TMPRSS11A: variants seen among roughly 807,000 people sequenced by gnomAD.
TMPRSS11A encodes transmembrane serine protease 11A.
TMPRSS11A carries 53 observed loss-of-function variants against 58.9 expected under a neutral mutation model. The observed-to-expected ratio is 0.90, with a 90% CI of 0.72 to 1.13. The LOEUF (loss-of-function observed/expected upper bound fraction) is 1.13. Ranked by LOEUF, TMPRSS11A falls within the 50% of genes most tolerant of loss-of-function variation. TMPRSS11A has a pLI of 0.00. For synonymous variants in TMPRSS11A, 167 were observed against 169.8 expected (o/e 0.98, Z 0.13); for missense variants, 493 against 499.3 (o/e 0.99, Z 0.12).
rs79841300 is a variant in TMPRSS11A, at chr4:67,941,902, G to A, written c.252+2617C>T. On this transcript the variant is annotated intron_variant, in intron 3 of 9. Coordinates refer to ENST00000508048, the MANE Select transcript of TMPRSS11A (RefSeq NM_001114387.2). ...AATGATTACTTCAGTTACAGATTTC[G>A]GTTTCATAAAGAACAACACGGTCCA... Among the ~76,000 whole-genome samples the A allele has an allele frequency of 7.7e-3, 1,175 of 152,118 alleles. 10 individuals carry two copies. Among genetic ancestry groups the A allele is most frequent in the Non-Finnish European group, 0.014 (948 of 67,994 alleles).
At chr4:67,919,481 A>G (rs1427644928) in intron 7 of TMPRSS11A, among the ~76,000 whole-genome samples, 1 of 152,224 alleles carries the variant, frequency 6.6e-6, no homozygotes, top group Admixed American at 6.5e-5. Flanking sequence ...CACATAAAAT[A>G]TCATTCATTT....
intron 2 of TMPRSS11A, among the ~76,000 whole-genome samples, chr4:67,945,955 G>A (rs768329491): frequency 2.9e-4 from 44 of 151,984 alleles, no homozygotes; most frequent in South Asian, 2.1e-4. Flanking sequence ...TGTGTCATAC[G>A]TATAGGTTTT....
chr4:67,962,373 A>G (rs1394688369), intron 1 of TMPRSS11A, among the ~76,000 whole-genome samples: 5 of 152,082 alleles, frequency 3.3e-5, no homozygotes, highest in African/African-American at 1.2e-4. Flanking sequence ...TCTGAAATTC[A>G]CTGGATGGAA....
chr4:67,924,061 C>T (rs1720400534), intron 6 of TMPRSS11A, 67 bp downstream of exon 6: 3 of 1,329,624 alleles, frequency 2.3e-6, no homozygotes, highest in Non-Finnish European at 3.3e-6. Context: ...CAAGTATGAG[C>T]AAATATTTGA....
At chr4:67,929,783 A>G in intron 5 of TMPRSS11A, 97 bp downstream of exon 5, 1 of 1,128,660 alleles carries the variant, frequency 8.9e-7, no homozygotes, top group Admixed American at 2.3e-5. Context: ...AATTCTAGCT[A>G]TTATTTGAAA....
chr4:67,942,133 A>G (rs1720895375), intron 3 of TMPRSS11A, among the ~76,000 whole-genome samples: 1 of 152,256 alleles, frequency 6.6e-6, no homozygotes, highest in Admixed American at 6.5e-5. Flanking sequence ...GCACAAACTC[A>G]TTAGTAATTA....
chr4:67,949,820 C>T (rs749913975), intron 1 of TMPRSS11A, among the ~76,000 whole-genome samples: 9 of 152,158 alleles, frequency 5.9e-5, no homozygotes, highest in Non-Finnish European at 1.3e-4. Context: ...AATGGCGCCA[C>T]TGCACTCCAG....
At chr4:67,917,998 G>T (rs1483757703) in intron 8 of TMPRSS11A, among the ~76,000 whole-genome samples, 1 of 152,132 alleles carries the variant, frequency 6.6e-6, no homozygotes, top group Non-Finnish European at 1.5e-5. Context: ...AACCACATGG[G>T]ACATCTGGAA....
At chr4:67,928,154 T>TC in intron 5 of TMPRSS11A, among the ~76,000 whole-genome samples, 1 of 152,068 alleles carries the variant, frequency 6.6e-6, no homozygotes, top group East Asian at 1.9e-4. Flanking sequence ...AAGTGATTCT[T>TC]CCCCCTCAGT....
chr4:67,951,941 G>A (rs753064385), intron 1 of TMPRSS11A, among the ~76,000 whole-genome samples: 3 of 152,090 alleles, frequency 2.0e-5, no homozygotes, highest in Admixed American at 6.6e-5. Flanking sequence ...GGAAATTGTG[G>A]TTCTTTTTGA....
intron 1 of TMPRSS11A, 94 bp from the exon 2 acceptor site, chr4:67,946,665 C>T: frequency 7.8e-7 from 1 of 1,275,802 alleles, no homozygotes; most frequent in Non-Finnish European, 1.0e-6. Context: ...CTGTAGCCTA[C>T]CTTTCCCTGC....
intron 9 of TMPRSS11A, among the ~76,000 whole-genome samples, chr4:67,913,761 T>G (rs1411312197): frequency 6.6e-6 from 1 of 152,204 alleles, no homozygotes; most frequent in Non-Finnish European, 1.5e-5. Context: ...CCCTGCTCCT[T>G]TTCTGATAGA....
At chr4:67,925,859 C>T (rs895947017) in intron 5 of TMPRSS11A, among the ~76,000 whole-genome samples, 1 of 152,046 alleles carries the variant, frequency 6.6e-6, no homozygotes, top group Non-Finnish European at 1.5e-5. Context: ...GTATAATGGT[C>T]GTGAATATAA....
chr4:67,915,688 A>T (rs1482355423), intron 8 of TMPRSS11A, among the ~76,000 whole-genome samples: 1 of 152,236 alleles, frequency 6.6e-6, no homozygotes. Flanking sequence ...TTAAAGCAGC[A>T]AGCTGGCATG....
chr4:67,944,570 T>G lies in TMPRSS11A; in HGVS notation c.201A>C (p.Gly67=). 1 of 1,613,278 alleles carries G rather than the reference T, an allele frequency of 6.2e-7. No homozygotes were observed. Among genetic ancestry groups the G allele is most frequent in the Non-Finnish European group, 8.5e-7 (1 of 1,179,334 alleles). ...ILDPQINNNF[G]QSNTYQLKDL... ...CCTTAAGTTGATATGTGTTGCTTTG[T>G]CCGAAATTGTTATTGATTTGTGGAT... Residue 67 remains glycine (G), a synonymous_variant, in exon 3 of 10, where the codon GGA becomes GGC. Transcript: ENST00000508048.
chr4:67,937,372 G>T (rs919747563), intron 3 of TMPRSS11A, among the ~76,000 whole-genome samples: 7 of 152,116 alleles, frequency 4.6e-5, no homozygotes, highest in African/African-American at 1.7e-4. Context: ...ATGAGAAAGA[G>T]AATATTTTTC....
At chr4:67,951,448 T>C (rs17088831) in intron 1 of TMPRSS11A, among the ~76,000 whole-genome samples, 2,299 of 152,274 alleles carry the variant, frequency 0.015, 65 homozygotes, top group African/African-American at 0.052. Flanking sequence ...GACAAAGAGA[T>C]TGTAAACCCT....
intron 7 of TMPRSS11A, among the ~76,000 whole-genome samples, chr4:67,921,572 A>C (rs1449974419): frequency 6.6e-6 from 1 of 152,060 alleles, no homozygotes; most frequent in Non-Finnish European, 1.5e-5. Context: ...GCCTCCCAAA[A>C]TGCTGGGATT....
chr4:67,951,469 A>G (rs1463698678), intron 1 of TMPRSS11A, among the ~76,000 whole-genome samples: 1 of 152,170 alleles, frequency 6.6e-6, no homozygotes, highest in African/African-American at 2.4e-5. Context: ...TTACTTCCCA[A>G]GGATCTTACT....
Sources: gnomAD v4.1 joint callset for allele counts (sites outside exome capture counted in the v4.1 genomes callset) on GRCh38, gnomAD v4.1.1 for gene constraint, MANE v1.5 for transcripts, NCBI Gene and HGNC (gene_info 2026-07-23, HGNC 2026-07-21) for gene names.